Variants in COL4A3 observed in about 807,000 individuals in gnomAD.
COL4A3 encodes the protein collagen type IV alpha 3 chain.
In COL4A3, 135 loss-of-function variants were observed where a neutral mutation model predicts 217.4. The ratio of observed to expected loss-of-function variants is 0.62; its 90% CI spans 0.54 to 0.72. The LOEUF (loss-of-function observed/expected upper bound fraction) is 0.72, where lower values mean the gene tolerates loss of function less well. Among genes scored for constraint, COL4A3 ranks in the 30% least tolerant of loss-of-function variants. The probability of loss-of-function intolerance (pLI) is 0.00; values close to 1 mark genes in which losing one functional copy is unlikely to be tolerated. For synonymous variants in COL4A3, 690 were observed against 736.3 expected (o/e 0.94, Z 1.02); for missense variants, 1,868 against 2,119.9 (o/e 0.88, Z 2.33).
intron 1 of COL4A3, among the ~76,000 whole-genome samples, chr2:227,170,139 T>C (rs1450651643): frequency 6.6e-6 from 1 of 152,180 alleles, no homozygotes. Context: ...AACACATGGA[T>C]GGTACACAGA....
At chr2:227,272,234 T>G (rs1338507305) in intron 25 of COL4A3, among the ~76,000 whole-genome samples, 1 of 152,186 alleles carries the variant, frequency 6.6e-6, no homozygotes. Flanking sequence ...ATCTCACTGA[T>G]TTTTCTTTAT....
chr2:227,292,398 A>G (rs1374732801), intron 37 of COL4A3, among the ~76,000 whole-genome samples: 1 of 152,216 alleles, frequency 6.6e-6, no homozygotes, highest in South Asian at 2.1e-4. Context: ...ATCCTATTTG[A>G]CTTCACACTC....
intron 1 of COL4A3, chr2:227,169,198 T>C (rs1045755490): frequency 2.6e-5 from 4 of 151,562 alleles, no homozygotes; most frequent in Admixed American, 1.3e-4. Context: ...GTTTCATCCA[T>C]GTCCCTACAA....
At chr2:227,203,233 GTGTATATATACATATA>G (rs1366716552) in intron 1 of COL4A3, among the ~76,000 whole-genome samples, 1 of 18,956 alleles carries the variant, frequency 5.3e-5, no homozygotes, top group Non-Finnish European at 8.5e-5. Context: ...GTGTATATAT[GTGTATATATACATATA>G]TGTATATATA....
chr2:227,267,782 A>C (rs2070995291), intron 23 of COL4A3, among the ~76,000 whole-genome samples: 1 of 82,748 alleles, frequency 1.2e-5, no homozygotes. Flanking sequence ...ACTAAGTCAA[A>C]TTTTGAAAGG....
chr2:227,283,512 A>T (rs576131667), intron 32 of COL4A3, among the ~76,000 whole-genome samples: 1 of 152,348 alleles, frequency 6.6e-6, no homozygotes, highest in African/African-American at 2.4e-5. Flanking sequence ...GGGAGGATGG[A>T]ATGCTCCAAA....
intron 1 of COL4A3, among the ~76,000 whole-genome samples, chr2:227,209,335 C>T (rs1224941801): frequency 6.6e-6 from 1 of 152,264 alleles, no homozygotes; most frequent in Non-Finnish European, 1.5e-5. Flanking sequence ...TCCAGCCAGA[C>T]TGGCCCAGTG....
chr2:227,181,858 G>A (rs2125674383), intron 1 of COL4A3, among the ~76,000 whole-genome samples: 1 of 152,184 alleles, frequency 6.6e-6, no homozygotes, highest in African/African-American at 2.4e-5. Context: ...AGAGTAATGG[G>A]TATAATTTTT....
chr2:227,250,758 T>A lies in COL4A3; in HGVS notation c.547-382T>A, dbSNP rs1429917498. ...AAAAGGAAAAGGGAGTGAGTTATAC[T>A]GATACCTGGGAAAAGGGGATTCTAG... On this transcript the variant is annotated intron_variant, in intron 9 of 51. Coordinates refer to ENST00000396578, the MANE Select transcript of COL4A3 (RefSeq NM_000091.5). The surrounding 1 kb of genome is among the most constrained non-coding windows in gnomAD (Gnocchi z 4.1). Among the ~76,000 whole-genome samples, 3 of 152,126 alleles carry A rather than the reference T, an allele frequency of 2.0e-5. No individual in the cohort carries two copies. Among genetic ancestry groups the A allele is most frequent in the Non-Finnish European group, 4.4e-5 (3 of 68,038 alleles).
chr2:227,259,940 T>A (rs758986396), intron 19 of COL4A3, 63 bp downstream of exon 19: 4 of 1,159,978 alleles, frequency 3.4e-6, no homozygotes, highest in Non-Finnish European at 5.2e-6. Context: ...TTCAAGGTAA[T>A]AAATAGCATG....
chr2:227,265,959 A>G (rs1574734062), intron 21 of COL4A3: 1 of 162,562 alleles, frequency 6.2e-6, no homozygotes, highest in East Asian at 1.7e-4. Flanking sequence ...GGAAAAGCCC[A>G]TTATAAAACC....
intron 1 of COL4A3, among the ~76,000 whole-genome samples, chr2:227,227,206 AT>A: frequency 6.6e-6 from 1 of 152,208 alleles, no homozygotes; most frequent in South Asian, 2.1e-4. Context: ...TTTCACTGGG[AT>A]TTTACGTCCC....
chr2:227,222,152 AT>A, intron 1 of COL4A3, among the ~76,000 whole-genome samples: 1 of 92,258 alleles, frequency 1.1e-5, no homozygotes, highest in Admixed American at 1.6e-4. Context: ...AATAATAATA[AT>A]AATAATAATA....
At chr2:227,172,214 C>T (rs2065502356) in intron 1 of COL4A3, among the ~76,000 whole-genome samples, 1 of 152,194 alleles carries the variant, frequency 6.6e-6, no homozygotes, top group Non-Finnish European at 1.5e-5. Flanking sequence ...TGGGAGACTG[C>T]CTTTCCCTGG....
chr2:227,194,185 A>G (rs2066380697), intron 1 of COL4A3, among the ~76,000 whole-genome samples: 1 of 152,200 alleles, frequency 6.6e-6, no homozygotes, highest in Non-Finnish European at 1.5e-5. Flanking sequence ...CAGCATCCCA[A>G]TAAGAAACCC....
rs930082598 is a variant in COL4A3 at position 227,266,502 on chromosome 2, G to A, written c.1401G>A (p.Gly467=). 3.7e-6 allele frequency: 6 copies of A among 1,612,926 alleles called. No homozygotes were observed. The highest frequency in any genetic ancestry group is 5.1e-6 in the Non-Finnish European group (6 of 1,179,072). ...CTCCAGGAATCCCAGGAGTTGATGG[G>A]CCCAAAGGTTGGTTCAATCAATAAT... ...LGSPGIPGVD[G]PKGEPGLLCT... The change falls in exon 22 of 52, where the codon GGG becomes GGA. Residue 467 remains glycine (G), a synonymous_variant. Coordinates refer to ENST00000396578, the MANE Select transcript of COL4A3 (RefSeq NM_000091.5).
At chr2:227,292,486 A>T (rs546311363) in intron 37 of COL4A3, among the ~76,000 whole-genome samples, 1 of 152,368 alleles carries the variant, frequency 6.6e-6, no homozygotes, top group East Asian at 1.9e-4. Context: ...TGTGCATTGA[A>T]CACAAAATGA....
intron 25 of COL4A3, among the ~76,000 whole-genome samples, chr2:227,271,461 A>AT (rs397988092): frequency 0.022 from 2,284 of 104,628 alleles, 151 homozygotes; most frequent in African/African-American, 0.025. Flanking sequence ...ACCTACCAAG[A>AT]TTTTTTTTTT....
chr2:227,232,816 A>C (rs1165794573), intron 1 of COL4A3, among the ~76,000 whole-genome samples: 1 of 152,234 alleles, frequency 6.6e-6, no homozygotes, highest in Non-Finnish European at 1.5e-5. Context: ...GTGATTAAAT[A>C]TGAATGCATA....
Sources: gnomAD v4.1 joint callset for allele counts (sites outside exome capture counted in the v4.1 genomes callset) on GRCh38, gnomAD v4.1.1 for gene constraint, Gnocchi (gnomAD v3.1) non-coding constraint, MANE v1.5 for transcripts, NCBI Gene and HGNC (gene_info 2026-07-23, HGNC 2026-07-21) for gene names.